THRAP3: variants seen among roughly 807,000 people sequenced by gnomAD.
THRAP3 encodes the protein thyroid hormone receptor-associated protein 3.
A neutral mutation model predicts 101.0 loss-of-function variants in THRAP3; 16 were observed. The ratio of observed to expected loss-of-function variants is 0.16; its 90% confidence interval spans 0.11 to 0.24. The LOEUF is 0.24. THRAP3 is among the 10% of genes least tolerant of loss of function. THRAP3 has a pLI of 1.00. For synonymous variants in THRAP3, 407 were observed against 422.6 expected, an observed-to-expected ratio of 0.96 and a Z score of 0.45; for missense variants, 989 against 1,202.7, an observed-to-expected ratio of 0.82 and a Z score of 2.63.
chr1:36,297,272 A>G (rs1317157799), intron 9 of THRAP3, among the ~76,000 whole-genome samples: 1 of 152,142 alleles, frequency 6.6e-6, no homozygotes, highest in Non-Finnish European at 1.5e-5. Context: ...CAAAGGTGGC[A>G]TTGTTGAACT....
At chr1:36,210,689 CA>C in the THRAP3 span, among the ~76,000 whole-genome samples, 17 of 3,438 alleles carry the variant, frequency 4.9e-3, no homozygotes, top group South Asian at 0.11. Flanking sequence ...GACTCTGTCT[CA>C]AAAAAAAAAA....
At chr1:36,218,106 T>C in the THRAP3 span, among the ~76,000 whole-genome samples, 1 of 152,194 alleles carries the variant, frequency 6.6e-6, no homozygotes, top group Non-Finnish European at 1.5e-5. Flanking sequence ...GGCTCACGCC[T>C]GTAATCCCAG....
At chr1:36,214,527 TA>T in the THRAP3 span, among the ~76,000 whole-genome samples, 1 of 152,286 alleles carries the variant, frequency 6.6e-6, no homozygotes, top group Non-Finnish European at 1.5e-5. Flanking sequence ...TGGTTTGCCC[TA>T]ATCCGTTCTC....
intron 11 of THRAP3, among the ~76,000 whole-genome samples, chr1:36,302,839 T>C (rs1042813242): frequency 6.6e-6 from 1 of 152,192 alleles, no homozygotes; most frequent in African/African-American, 2.4e-5. Flanking sequence ...ATCCTTTCCT[T>C]GAACTAAGTG....
At chr1:36,290,709 G>T (rs749818027) in intron 5 of THRAP3, among the ~76,000 whole-genome samples, 1 of 152,140 alleles carries the variant, frequency 6.6e-6, no homozygotes. Context: ...CAGGTGATCT[G>T]CCTGCCTTAG....
chr1:36,282,578 C>T lies in THRAP3; in HGVS notation c.15C>T (p.Asn5=). The T allele has an allele frequency of 1.9e-6, 3 of 1,613,980 alleles. No homozygotes were observed. The highest frequency in any genetic ancestry group is 2.5e-6 in the Non-Finnish European group (3 of 1,179,974). ...TCTCTTCAGAGATGTCAAAAACAAA[C>T]AAATCCAAGTCTGGATCTCGCTCTT... MSKT[N]KSKSGSRSSR... The change falls in exon 3 of 12, where the codon AAC becomes AAT. Residue 5 remains asparagine (N), a synonymous_variant. Coordinates refer to ENST00000354618, the MANE Select transcript of THRAP3 (RefSeq NM_005119.4).
Position 36,304,000 on chromosome 1 carries a change from C to G in THRAP3, c.2851C>G (p.Gln951Glu). 6.4e-7 allele frequency: 1 copy of G among 1,562,714 alleles called. No homozygotes were observed. Among genetic ancestry groups the G allele is most frequent in the Non-Finnish European group, 8.7e-7 (1 of 1,154,554 alleles). The change falls in exon 12 of 12, where the codon CAG (glutamine) becomes GAG (glutamate). Residue 951 changes from glutamine to glutamate, a missense_variant. Coordinates refer to ENST00000354618, the MANE Select transcript of THRAP3 (RefSeq NM_005119.4). Reference protein sequence around the residue: ...TENREEKDNIQPTTE With the variant: ...TENREEKDNIEPTTE ...GAACCGAGAAGAGAAGGACAATATA[C>G]AGCCCACAACCGAGTAGGGGCCACC... is the stretch of plus-strand genomic sequence containing the variant.
intron 2 of THRAP3, among the ~76,000 whole-genome samples, chr1:36,265,880 G>A (rs1570291123): frequency 1.3e-5 from 2 of 152,036 alleles, no homozygotes; most frequent in African/African-American, 4.8e-5. Flanking sequence ...TGGTCCAGAT[G>A]TGGTGGCTCA....
At chr1:36,241,384 T>G (rs1164992624) in intron 1 of THRAP3, among the ~76,000 whole-genome samples, 1 of 3,734 alleles carries the variant, frequency 2.7e-4, no homozygotes, top group African/African-American at 5.3e-4. Flanking sequence ...TGATAATGGG[T>G]GTATATATAT....
At chr1:36,247,172 CTG>C (rs886338789) in intron 1 of THRAP3, among the ~76,000 whole-genome samples, 1 of 152,068 alleles carries the variant, frequency 6.6e-6, no homozygotes, top group Admixed American at 6.6e-5. Flanking sequence ...CAAAAATTAG[CTG>C]TGTGTGGTGG....
chr1:36,272,849 C>T (rs1225907718), intron 2 of THRAP3, among the ~76,000 whole-genome samples: 2 of 152,116 alleles, frequency 1.3e-5, no homozygotes, highest in African/African-American at 4.8e-5. Context: ...GTCTTATGTG[C>T]CTTTGAATAA....
At chr1:36,231,815 A>T (rs1298280538) in intron 1 of THRAP3, among the ~76,000 whole-genome samples, 2 of 152,204 alleles carry the variant, frequency 1.3e-5, no homozygotes, top group Non-Finnish European at 2.9e-5. Flanking sequence ...TAGAGTCTTG[A>T]CTAATTCCTT....
At chr1:36,278,574 ATTCT>A (rs1645691083) in intron 2 of THRAP3, among the ~76,000 whole-genome samples, 1 of 152,136 alleles carries the variant, frequency 6.6e-6, no homozygotes. Context: ...TTGAAAACAA[ATTCT>A]TTCTCCTAGT....
the THRAP3 span, among the ~76,000 whole-genome samples, chr1:36,218,274 C>T: frequency 2.7e-4 from 40 of 150,708 alleles, no homozygotes; most frequent in Non-Finnish European, 2.8e-4. Flanking sequence ...GAGGCTGAGG[C>T]AGGAGAATCG....
the THRAP3 span, among the ~76,000 whole-genome samples, chr1:36,211,799 A>G: frequency 6.6e-6 from 1 of 152,188 alleles, no homozygotes; most frequent in Non-Finnish European, 1.5e-5. Flanking sequence ...AGTCTGAGCA[A>G]TGGCAAAGTT....
upstream of THRAP3, among the ~76,000 whole-genome samples, chr1:36,220,972 A>AAAAAAATATAT (rs1285765741): frequency 1.1e-5 from 1 of 94,124 alleles, no homozygotes; most frequent in African/African-American, 4.7e-5. Flanking sequence ...AAAAAAAAAA[A>AAAAAAATATAT]ATATATATAT....
At chr1:36,288,249 A>G (rs1390436511) in intron 4 of THRAP3, 1 of 750,106 alleles carries the variant, frequency 1.3e-6, no homozygotes, top group Non-Finnish European at 1.6e-6. Flanking sequence ...GTTTTGGTGC[A>G]CCCATCACCT....
upstream of THRAP3, among the ~76,000 whole-genome samples, chr1:36,221,062 G>C (rs958750076): frequency 3.5e-5 from 5 of 144,490 alleles, no homozygotes; most frequent in South Asian, 1.1e-3. Flanking sequence ...GTATGCACTT[G>C]TAGTCCCAGC....
intron 2 of THRAP3, among the ~76,000 whole-genome samples, chr1:36,265,286 T>C (rs1458483306): frequency 1.3e-5 from 2 of 152,190 alleles, no homozygotes; most frequent in Non-Finnish European, 2.9e-5. Flanking sequence ...AAGAAAACTT[T>C]AGTTCAAAGA....
Sources: allele counts gnomAD v4.1 joint callset (sites outside exome capture counted in the v4.1 genomes callset), GRCh38; gene constraint gnomAD v4.1.1; transcripts MANE v1.5; gene names NCBI Gene and HGNC (gene_info 2026-07-23, HGNC 2026-07-21).